Variants in PCDHGB1 observed in about 807,000 individuals in gnomAD.
The protein encoded by PCDHGB1 is protocadherin gamma-B1.
In PCDHGB1, 34 loss-of-function variants were observed where a neutral mutation model predicts 56.6. The ratio of observed to expected loss-of-function variants is 0.60; its 90% confidence interval spans 0.46 to 0.80. The LOEUF (loss-of-function observed/expected upper bound fraction) is 0.80. Among genes scored for constraint, PCDHGB1 ranks in the 30% least tolerant of loss-of-function variants. The pLI is 0.00. For missense variants in PCDHGB1, 1,278 were observed against 1,204.6 expected, an observed-to-expected ratio of 1.06 and a Z score of -0.90; for synonymous variants, 561 against 505.9, an observed-to-expected ratio of 1.11 and a Z score of -1.46.
Position 141,405,226 on chromosome 5 carries a change from C to A in PCDHGB1, c.2409+52557C>A, listed in dbSNP as rs756970325. ...TACAGACCTATTCTCAGGAGTTCTCCCTCACCGCTGACTCAAGGAAGAGTC... is the reference window on the plus strand; with the variant it reads ...TACAGACCTATTCTCAGGAGTTCTCACTCACCGCTGACTCAAGGAAGAGTC... On this transcript the variant is annotated intron_variant, in intron 1 of 3. Coordinates refer to ENST00000523390, the MANE Select transcript of PCDHGB1 (RefSeq NM_018922.3). 3.1e-6 allele frequency: 5 copies of A among 1,614,052 alleles called. No individual in the cohort carries two copies. The East Asian group carries it at 1.1e-4, about 36-fold the overall frequency.
intron 1 of PCDHGB1, among the ~76,000 whole-genome samples, chr5:141,429,602 C>T (rs548994907): frequency 1.1e-4 from 16 of 152,218 alleles, no homozygotes; most frequent in African/African-American, 3.6e-4. Flanking sequence ...TTCAAGTAAA[C>T]TCAATTTTAT....
At chr5:141,397,632 G>A (rs1338700585) in intron 1 of PCDHGB1, among the ~76,000 whole-genome samples, 2 of 152,222 alleles carry the variant, frequency 1.3e-5, no homozygotes, top group African/African-American at 4.8e-5. Context: ...CTAGCTAAGA[G>A]TTCAAGGTAT....
At chr5:141,374,168 G>A in intron 1 of PCDHGB1, 1 of 1,613,320 alleles carries the variant, frequency 6.2e-7, no homozygotes, top group Non-Finnish European at 8.5e-7. Flanking sequence ...GGCCGCGGCA[G>A]CGCAGATCCG....
intron 1 of PCDHGB1, among the ~76,000 whole-genome samples, chr5:141,381,166 C>A (rs1402987548): frequency 6.6e-6 from 1 of 152,204 alleles, no homozygotes; most frequent in Non-Finnish European, 1.5e-5. Context: ...ACTTAGGAGC[C>A]TCCCACAAAA....
intron 1 of PCDHGB1, chr5:141,422,076 G>C (rs2096622180): frequency 1.2e-6 from 2 of 1,612,270 alleles, no homozygotes; most frequent in South Asian, 1.1e-5. Flanking sequence ...ATTCATTTCG[G>C]AACATGGAAA....
chr5:141,366,708 T>G (rs374131113), intron 1 of PCDHGB1: 2 of 1,614,120 alleles, frequency 1.2e-6, no homozygotes, highest in African/African-American at 1.3e-5. Context: ...CCTCTTCTGA[T>G]GTCTGATAAG....
Position 141,427,474 on chromosome 5 carries a change from A to T in PCDHGB1, c.2410-67333A>T, listed in dbSNP as rs373512099. On this transcript the variant is annotated intron_variant, in intron 1 of 3. Transcript: ENST00000523390. The stretch of plus-strand genomic sequence containing the variant: ...CCTTTTAGAATCGAATCTTCCGCCA[A>T]TAATGACTATAAGCTTGTAACAGAT... 10 of 520,294 alleles carry T rather than the reference A, an allele frequency of 1.9e-5. No individual in the cohort carries two copies. In the East Asian group the frequency reaches 2.1e-4, roughly 11 times the overall value. The allele number at this position is 520,294 out of a possible 1,614,324, so 32.2% of individuals were successfully genotyped here. A position where few individuals can be genotyped will look rare whatever the true frequency, so the allele number is the denominator to read the frequency against.
At chr5:141,453,481 T>TA (rs1178324090) in intron 1 of PCDHGB1, among the ~76,000 whole-genome samples, 1 of 151,928 alleles carries the variant, frequency 6.6e-6, no homozygotes, top group African/African-American at 2.4e-5. Context: ...TCAAAACTAT[T>TA]AAAAAAAGGT....
intron 1 of PCDHGB1, chr5:141,420,114 A>G: frequency 6.2e-7 from 1 of 1,614,032 alleles, no homozygotes; most frequent in Non-Finnish European, 8.5e-7. Context: ...CCCTATGCCT[A>G]TAATTTTTGT....
intron 1 of PCDHGB1, among the ~76,000 whole-genome samples, chr5:141,469,061 G>C (rs960166489): frequency 1.3e-5 from 2 of 152,010 alleles, no homozygotes; most frequent in African/African-American, 4.8e-5. Flanking sequence ...AGGATTGCTT[G>C]AGCCTAGGAG....
intron 1 of PCDHGB1, chr5:141,423,443 C>A: frequency 6.2e-7 from 1 of 1,613,998 alleles, no homozygotes; most frequent in Non-Finnish European, 8.5e-7. Flanking sequence ...ATGCCCACGT[C>A]ACATTTTGTA....
At chr5:141,418,479 C>G (rs375821205) in intron 1 of PCDHGB1, 3 of 1,614,010 alleles carry the variant, frequency 1.9e-6, no homozygotes, top group Non-Finnish European at 1.7e-6. Context: ...ACGCAGAGCG[C>G]TCACCACTTG....
intron 1 of PCDHGB1, chr5:141,356,208 A>G (rs770917975): frequency 1.2e-6 from 2 of 1,605,788 alleles, no homozygotes; most frequent in Admixed American, 1.7e-5. Context: ...TACTGGTGAC[A>G]GTTCTGGATG....
chr5:141,506,688 T>G (rs114532236), intron 3 of PCDHGB1, among the ~76,000 whole-genome samples: 2,113 of 152,334 alleles, frequency 0.014, 37 homozygotes, highest in African/African-American at 0.048. Flanking sequence ...TTATCTTTGC[T>G]GACCCAAACC....
chr5:141,430,725 G>A (rs1436128094), intron 1 of PCDHGB1: 4 of 1,497,276 alleles, frequency 2.7e-6, no homozygotes, highest in Admixed American at 2.4e-5. Flanking sequence ...AGTGGTTAAG[G>A]GCAGAATTGA....
Position 141,485,392 on chromosome 5 carries a change from A to G in PCDHGB1, c.2410-9415A>G. ...AGGTCGCTGGAGAGGTGAACCAAAG[A>G]CACTTCCGTGTGGATTTGGACAGCG... On this transcript the variant is annotated intron_variant, in intron 1 of 3. Coordinates refer to ENST00000523390, the MANE Select transcript of PCDHGB1 (RefSeq NM_018922.3). This position sits in a 1 kb window ranked among gnomAD's most constrained non-coding sequence, Gnocchi z 5.7. 1 of 1,613,918 alleles carries G rather than the reference A, an allele frequency of 6.2e-7. No homozygotes were observed. The highest frequency in any genetic ancestry group is 8.5e-7 in the Non-Finnish European group (1 of 1,179,938).
chr5:141,405,461 C>T, intron 1 of PCDHGB1: 1 of 1,220,756 alleles, frequency 8.2e-7, no homozygotes, highest in Non-Finnish European at 1.1e-6. Context: ...ACTCTGTTAC[C>T]CAGGCTGGAA....
intron 1 of PCDHGB1, chr5:141,385,140 G>T: frequency 1.9e-6 from 3 of 1,614,190 alleles, no homozygotes; most frequent in Non-Finnish European, 2.5e-6. Context: ...ACGGGGTGCA[G>T]GCTTTCCTGC....
chr5:141,390,103 A>G (rs757288667), intron 1 of PCDHGB1: 2 of 1,613,996 alleles, frequency 1.2e-6, no homozygotes, highest in South Asian at 1.1e-5. Flanking sequence ...GTTCCCCCCA[A>G]CTACAGCGAG....
Sources: gnomAD v4.1 joint callset for allele counts (sites outside exome capture counted in the v4.1 genomes callset) on GRCh38, gnomAD v4.1.1 for gene constraint, Gnocchi (gnomAD v3.1) non-coding constraint, MANE v1.5 for transcripts, NCBI Gene and HGNC (gene_info 2026-07-23, HGNC 2026-07-21) for gene names.